Variants in INPP4B observed in about 807,000 individuals in gnomAD.
The protein encoded by INPP4B is inositol polyphosphate 4-phosphatase type II.
A neutral mutation model predicts 122.5 loss-of-function variants in INPP4B; 55 were observed. The ratio of observed to expected loss-of-function variants is 0.45; its 90% confidence interval spans 0.36 to 0.56. INPP4B has a LOEUF of 0.56. Among genes scored for constraint, INPP4B ranks in the 20% least tolerant of loss-of-function variants. INPP4B has a pLI of 0.00. For missense variants in INPP4B, 1,000 were observed against 1,097.7 expected, an observed-to-expected ratio of 0.91 and a Z score of 1.26; for synonymous variants, 403 against 388.7, an observed-to-expected ratio of 1.04 and a Z score of -0.43.
At chr4:142,734,697 G>C (rs756280772) in intron 1 of INPP4B, among the ~76,000 whole-genome samples, 2 of 152,282 alleles carry the variant, frequency 1.3e-5, no homozygotes, top group Non-Finnish European at 2.9e-5. Flanking sequence ...CCAGGCTGGA[G>C]TGCAATAGGG....
chr4:142,116,729 C>A (rs1022980932), intron 21 of INPP4B, among the ~76,000 whole-genome samples: 1 of 152,202 alleles, frequency 6.6e-6, no homozygotes, highest in Admixed American at 6.5e-5. Context: ...AAAATTGACA[C>A]CCTAACATCA....
chr4:142,405,069 GAACT>G, intron 6 of INPP4B, 133 bp downstream of exon 6: 1 of 597,722 alleles, frequency 1.7e-6, no homozygotes, highest in Non-Finnish European at 3.0e-6. Context: ...TACAGACTAT[GAACT>G]AACTTATTTC....
chr4:142,306,866 C>A (rs1167287239), intron 8 of INPP4B, among the ~76,000 whole-genome samples: 1 of 151,816 alleles, frequency 6.6e-6, no homozygotes, highest in African/African-American at 2.4e-5. Flanking sequence ...CAGAATGAGA[C>A]CTCATTTCTA....
intron 2 of INPP4B, among the ~76,000 whole-genome samples, chr4:142,595,742 T>C (rs1294066505): frequency 6.6e-6 from 1 of 152,230 alleles, no homozygotes; most frequent in African/African-American, 2.4e-5. Context: ...TTTGCTTTGC[T>C]CTTCACAGCA....
chr4:142,593,104 T>TTA (rs1248905233), intron 2 of INPP4B, among the ~76,000 whole-genome samples: 1 of 143,136 alleles, frequency 7.0e-6, no homozygotes, highest in East Asian at 2.0e-4. Flanking sequence ...ATCCTGTTTT[T>TTA]AAAAAAAAAA....
At chr4:142,452,344 A>C (rs1282065705) in intron 3 of INPP4B, among the ~76,000 whole-genome samples, 1 of 152,208 alleles carries the variant, frequency 6.6e-6, no homozygotes, top group African/African-American at 2.4e-5. Flanking sequence ...ACATGGACCC[A>C]CTTTGGGAAT....
chr4:142,750,400 G>A (rs1471430391), intron 1 of INPP4B, among the ~76,000 whole-genome samples: 1 of 152,076 alleles, frequency 6.6e-6, no homozygotes, highest in Admixed American at 6.6e-5. Flanking sequence ...ACTGCCCCAT[G>A]AAAGAGGAAT....
chr4:142,832,524 G>T (rs1782272449), intron 1 of INPP4B, among the ~76,000 whole-genome samples: 1 of 152,160 alleles, frequency 6.6e-6, no homozygotes, highest in African/African-American at 2.4e-5. Flanking sequence ...TTCTGAACTG[G>T]AAGTCACCTT....
chr4:142,232,135 C>T (rs1233245240), intron 12 of INPP4B, among the ~76,000 whole-genome samples: 1 of 152,096 alleles, frequency 6.6e-6, no homozygotes, highest in African/African-American at 2.4e-5. Flanking sequence ...TTTGCTTACC[C>T]CTCATGTAGG....
chr4:142,717,004 C>G (rs988598771), intron 2 of INPP4B, among the ~76,000 whole-genome samples: 12 of 152,146 alleles, frequency 7.9e-5, no homozygotes. Flanking sequence ...TTACTATGAT[C>G]AATCTTATTA....
At chr4:142,620,362 A>T (rs1744629962) in intron 2 of INPP4B, among the ~76,000 whole-genome samples, 1 of 152,016 alleles carries the variant, frequency 6.6e-6, no homozygotes, top group African/African-American at 2.4e-5. Context: ...AGCAACATAG[A>T]TGGAGCTGGA....
chr4:142,293,185 C>A (rs1164660485), intron 9 of INPP4B, among the ~76,000 whole-genome samples: 1 of 151,804 alleles, frequency 6.6e-6, no homozygotes, highest in East Asian at 1.9e-4. Flanking sequence ...ATTACAGGTG[C>A]CTGCCACCAC....
intron 1 of INPP4B, among the ~76,000 whole-genome samples, chr4:142,753,149 A>C (rs995089713): frequency 2.6e-5 from 4 of 152,086 alleles, no homozygotes; most frequent in Non-Finnish European, 4.4e-5. Context: ...TACTCAACAC[A>C]ATAGTTTTAT....
chr4:142,204,587 A>C (rs914074717), intron 14 of INPP4B, among the ~76,000 whole-genome samples: 5 of 152,156 alleles, frequency 3.3e-5, no homozygotes, highest in Non-Finnish European at 7.4e-5. Context: ...TTTATTTGGA[A>C]ATAAGTTCTT....
intron 15 of INPP4B, among the ~76,000 whole-genome samples, 159 bp from the exon 16 acceptor site, chr4:142,173,968 T>C (rs1159513548): frequency 6.6e-6 from 1 of 152,070 alleles, no homozygotes; most frequent in East Asian, 1.9e-4. Context: ...GCAATTTTTA[T>C]GTAAGGTGAC....
intron 17 of INPP4B, among the ~76,000 whole-genome samples, chr4:142,159,588 ATTTTT>A (rs1322800117): frequency 6.6e-6 from 1 of 151,716 alleles, no homozygotes; most frequent in African/African-American, 2.4e-5. Context: ...CTAGCACACT[ATTTTT>A]TTTGTTAAAC....
At chr4:142,461,991 AC>A (rs1159884829) in intron 3 of INPP4B, among the ~76,000 whole-genome samples, 1 of 151,988 alleles carries the variant, frequency 6.6e-6, no homozygotes, top group Non-Finnish European at 1.5e-5. Flanking sequence ...CTTATTTTCA[AC>A]CCGGCTTCAT....
At chr4:142,431,609 A>T (rs1261935814) in intron 3 of INPP4B, among the ~76,000 whole-genome samples, 1 of 152,140 alleles carries the variant, frequency 6.6e-6, no homozygotes, top group Non-Finnish European at 1.5e-5. Flanking sequence ...TTTCTAAAAC[A>T]TGAAAGGTGT....
intron 18 of INPP4B, among the ~76,000 whole-genome samples, chr4:142,132,573 T>C (rs1391512369): frequency 2.0e-5 from 3 of 152,154 alleles, no homozygotes; most frequent in African/African-American, 7.2e-5. Context: ...CTACCAGCAT[T>C]GATTCTTTAT....
Sources: gnomAD v4.1 joint callset for allele counts (sites outside exome capture counted in the v4.1 genomes callset) on GRCh38, gnomAD v4.1.1 for gene constraint, MANE v1.5 for transcripts, NCBI Gene and HGNC (gene_info 2026-07-23, HGNC 2026-07-21) for gene names.